Variants in THBS4 observed in about 807,000 individuals in gnomAD.
THBS4 encodes the protein thrombospondin 4.
In THBS4, 90 loss-of-function variants were observed where a neutral mutation model predicts 115.7. That is an observed-to-expected ratio of 0.78 (90% confidence interval 0.66 to 0.93). The LOEUF (loss-of-function observed/expected upper bound fraction) is 0.93. Ranked by LOEUF, THBS4 falls within the 40% of genes least tolerant of loss-of-function variation. The probability of loss-of-function intolerance (pLI) is 0.00; values close to 1 mark genes in which losing one functional copy is unlikely to be tolerated. For missense variants in THBS4, 1,087 were observed against 1,232.7 expected (o/e 0.88, Z 1.77); for synonymous variants, 460 against 479.3 (o/e 0.96, Z 0.53).
chr5:80,055,593 G>A (rs1399993297), intron 2 of THBS4, among the ~76,000 whole-genome samples, 192 bp from the exon 3 acceptor site: 1 of 151,620 alleles, frequency 6.6e-6, no homozygotes. Flanking sequence ...CCCAGTGCCT[G>A]AAAACAGTGC....
intron 1 of THBS4, among the ~76,000 whole-genome samples, chr5:79,992,844 C>G (rs917475019): frequency 4.6e-5 from 7 of 152,172 alleles, no homozygotes; most frequent in African/African-American, 1.7e-4. Flanking sequence ...TGGAGACTAT[C>G]TGTTGAGTCT....
intron 2 of THBS4, among the ~76,000 whole-genome samples, chr5:80,012,218 A>T (rs1009409187): frequency 6.6e-6 from 1 of 152,210 alleles, no homozygotes. Context: ...TTCTTTCTGA[A>T]CAAAATAGCC....
chr5:80,030,756 C>T (rs1443361413), upstream of THBS4, among the ~76,000 whole-genome samples: 1 of 152,114 alleles, frequency 6.6e-6, no homozygotes, highest in Non-Finnish European at 1.5e-5. Flanking sequence ...ATTCTCCCAC[C>T]TTGGCATCCT....
chr5:80,025,002 G>A (rs1488006392), intron 2 of THBS4, among the ~76,000 whole-genome samples: 1 of 152,066 alleles, frequency 6.6e-6, no homozygotes, highest in Admixed American at 6.6e-5. Context: ...CTGTGCAGTG[G>A]AAATTATAAC....
chr5:80,045,232 C>T (rs535484762), intron 2 of THBS4, among the ~76,000 whole-genome samples: 5 of 152,222 alleles, frequency 3.3e-5, no homozygotes, highest in Admixed American at 6.5e-5. Flanking sequence ...TTTCACCTTT[C>T]AGAAAAAGAA....
chr5:80,048,649 TGTGTGTGTGTG>T (rs1833154420), intron 2 of THBS4, among the ~76,000 whole-genome samples: 2 of 151,912 alleles, frequency 1.3e-5, no homozygotes, highest in African/African-American at 4.8e-5. Flanking sequence ...TGTGTGTGTG[TGTGTGTGTGTG>T]TGTGTTACTC....
intron 1 of THBS4, among the ~76,000 whole-genome samples, chr5:80,038,554 C>G (rs1832790845): frequency 6.6e-6 from 1 of 152,090 alleles, no homozygotes; most frequent in Non-Finnish European, 1.5e-5. Context: ...TCCCCTCAAT[C>G]TCAGCCAAGC....
chr5:80,076,782 C>CTCCT, intron 15 of THBS4, 73 bp from the exon 16 acceptor site: 2 of 1,362,040 alleles, frequency 1.5e-6, no homozygotes, highest in African/African-American at 3.0e-5. Context: ...AGCACAGACT[C>CTCCT]TCCTTCCTAA....
At chr5:80,048,632 A>ATGTGTGTGTGTGTGTG (rs56183875) in intron 2 of THBS4, among the ~76,000 whole-genome samples, 175 of 147,378 alleles carry the variant, frequency 1.2e-3, no homozygotes, top group Non-Finnish European at 1.7e-3. Flanking sequence ...CACTAGATAG[A>ATGTGTGTGTGTGTGTG]TGTGTGTGTG....
At chr5:79,999,461 T>C (rs1037447654) in intron 2 of THBS4, among the ~76,000 whole-genome samples, 3 of 152,226 alleles carry the variant, frequency 2.0e-5, no homozygotes, top group Non-Finnish European at 2.9e-5. Flanking sequence ...GAAAAAGTTA[T>C]GGATATGATC....
intron 2 of THBS4, among the ~76,000 whole-genome samples, chr5:80,018,654 C>CA (rs1318983882): frequency 6.6e-6 from 1 of 152,152 alleles, no homozygotes; most frequent in Non-Finnish European, 1.5e-5. Flanking sequence ...CTCGGCCTTC[C>CA]AAAGTGCTAG....
intron 20 of THBS4, chr5:80,080,283 G>T (rs1743422403): frequency 3.4e-6 from 2 of 589,604 alleles, no homozygotes; most frequent in Non-Finnish European, 5.9e-6. Context: ...AGGACAGTAG[G>T]ACCAAGATGG....
Position 80,035,487 on chromosome 5 carries a change from GGGCCAACGCCGCCGTCGCCCCC to G in THBS4, c.-46_-25del. ...CGCACGGCCCGGGGACCCCCAGGCG[GGGCCAACGCCGCCGTCGCCCCC>G]GGCCTCGCGGGGAGCAGGAAGAGCC... On this transcript the variant is annotated 5_prime_UTR_variant, in exon 1 of 22. Coordinates refer to ENST00000350881, the MANE Select transcript of THBS4 (RefSeq NM_003248.6). This position sits in a 1 kb window ranked among gnomAD's most constrained non-coding sequence, Gnocchi z 4.6. The G allele has an allele frequency of 8.0e-7, 1 of 1,257,008 alleles. No homozygotes were observed. Among genetic ancestry groups the G allele is most frequent in the South Asian group, 2.5e-5 (1 of 39,384 alleles). 77.9% of individuals were successfully genotyped at this position (1,257,008 alleles called of 1,614,324 possible).
intron 17 of THBS4, among the ~76,000 whole-genome samples, chr5:80,078,574 A>T (rs1271727828): frequency 6.6e-6 from 1 of 152,198 alleles, no homozygotes; most frequent in African/African-American, 2.4e-5. Context: ...GTAACTAAGA[A>T]GTGCAGGCAC....
chr5:80,027,522 C>T (rs115894410), intron 2 of THBS4, among the ~76,000 whole-genome samples: 167 of 152,146 alleles, frequency 1.1e-3, no homozygotes, highest in African/African-American at 3.9e-3. Flanking sequence ...TTTATTACAC[C>T]GACAGACTTC....
chr5:80,058,928 G>A (rs548526215), intron 5 of THBS4, 138 bp downstream of exon 5: 46 of 748,224 alleles, frequency 6.1e-5, no homozygotes, highest in South Asian at 2.9e-4. Context: ...AGCCCCGCAC[G>A]CCAGGGCTCT....
At chr5:80,078,586 G>A (rs895111801) in intron 17 of THBS4, among the ~76,000 whole-genome samples, 1 of 152,190 alleles carries the variant, frequency 6.6e-6, no homozygotes, top group African/African-American at 2.4e-5. Context: ...TGCAGGCACA[G>A]AGAGGCTTAG....
intron 2 of THBS4, among the ~76,000 whole-genome samples, chr5:80,009,103 A>G (rs1832072444): frequency 6.6e-6 from 1 of 152,166 alleles, no homozygotes; most frequent in African/African-American, 2.4e-5. Flanking sequence ...TTGAGAGAAA[A>G]AGGCAGTAGA....
rs182968325 is a variant in THBS4 at position 80,010,532 on chromosome 5, C to T, written n.177+12105C>T. ...CACTCACCACTACCCTCACTCTGTC[C>T]CAATCTGTAGAAAGGTAGGCAGAGA... On this transcript the variant is annotated intron_variant and non_coding_transcript_variant, in intron 2 of 3. Coordinates refer to the THBS4 transcript ENST00000510218. Among the ~76,000 whole-genome samples, 11 of 152,326 alleles carry T rather than the reference C, an allele frequency of 7.2e-5. No individual in the cohort carries two copies. In the East Asian group the frequency reaches 2.1e-3, roughly 29 times the overall value.
Sources: allele counts gnomAD v4.1 joint callset (sites outside exome capture counted in the v4.1 genomes callset), GRCh38; gene constraint gnomAD v4.1.1; non-coding constraint Gnocchi (gnomAD v3.1); transcripts MANE v1.5; gene names NCBI Gene and HGNC (gene_info 2026-07-23, HGNC 2026-07-21).